The following CAMKMT variants were observed in gnomAD, a reference collection of about 807,000 sequenced individuals.
CAMKMT encodes the protein calmodulin-lysine N-methyltransferase.
CAMKMT carries 53 observed loss-of-function variants against 48.0 expected under a neutral mutation model. That is an observed-to-expected ratio of 1.10 (90% CI 0.89 to 1.39). The LOEUF is 1.39. Ranked by LOEUF, CAMKMT falls within the 40% of genes most tolerant of loss-of-function variation. The probability of loss-of-function intolerance (pLI) is 0.00; values close to 1 mark genes in which losing one functional copy is unlikely to be tolerated. For synonymous variants in CAMKMT, 165 were observed against 152.3 expected, an observed-to-expected ratio of 1.08 and a Z score of -0.61; for missense variants, 428 against 402.7, an observed-to-expected ratio of 1.06 and a Z score of -0.54.
chr2:44,655,451 A>G (rs1485167849), intron 3 of CAMKMT, among the ~76,000 whole-genome samples: 2 of 152,190 alleles, frequency 1.3e-5, no homozygotes, highest in Non-Finnish European at 2.9e-5. Context: ...TCATTGGACC[A>G]TGAACTAATC....
intron 3 of CAMKMT, among the ~76,000 whole-genome samples, chr2:44,416,568 A>ATTT (rs34882377): frequency 4.0e-3 from 320 of 80,236 alleles, no homozygotes; most frequent in African/African-American, 6.4e-3. Flanking sequence ...ACTTAGCATG[A>ATTT]TTTTTTTTTT....
chr2:44,641,551 T>C (rs375189148), intron 3 of CAMKMT, among the ~76,000 whole-genome samples: 1 of 90,716 alleles, frequency 1.1e-5, no homozygotes, highest in East Asian at 2.2e-4. Flanking sequence ...TTTATGATAT[T>C]TTATATATAT....
intron 3 of CAMKMT, among the ~76,000 whole-genome samples, chr2:44,682,304 A>G (rs1167908536): frequency 6.6e-6 from 1 of 152,248 alleles, no homozygotes; most frequent in Non-Finnish European, 1.5e-5. Flanking sequence ...CAACAGTAGC[A>G]TGAAATGTAT....
chr2:44,562,300 C>G (rs1668364050), intron 3 of CAMKMT, among the ~76,000 whole-genome samples: 1 of 152,160 alleles, frequency 6.6e-6, no homozygotes, highest in Non-Finnish European at 1.5e-5. Context: ...TCCACAGTCT[C>G]TGTTTACCCT....
chr2:44,599,431 C>A (rs1011100437), intron 3 of CAMKMT, among the ~76,000 whole-genome samples: 1 of 152,074 alleles, frequency 6.6e-6, no homozygotes, highest in Non-Finnish European at 1.5e-5. Context: ...TACAGCTAAT[C>A]CTTTCAATGA....
chr2:44,611,355 C>G (rs956691898), intron 3 of CAMKMT, among the ~76,000 whole-genome samples: 4 of 151,956 alleles, frequency 2.6e-5, no homozygotes. Flanking sequence ...ATCACTTGAA[C>G]CTGGGAGGCA....
intron 3 of CAMKMT, among the ~76,000 whole-genome samples, chr2:44,635,313 G>A (rs979520390): frequency 1.3e-5 from 2 of 152,212 alleles, no homozygotes. Flanking sequence ...GCTAGTTATT[G>A]TTATGAAAGC....
At chr2:44,460,716 C>CTTT (rs1202949999) in intron 3 of CAMKMT, among the ~76,000 whole-genome samples, 318 of 103,100 alleles carry the variant, frequency 3.1e-3, no homozygotes, top group African/African-American at 3.6e-3. Flanking sequence ...GTGATAGATT[C>CTTT]TTTTTTTTTT....
chr2:44,553,386 A>T (rs2103660114), intron 3 of CAMKMT, among the ~76,000 whole-genome samples: 1 of 147,968 alleles, frequency 6.8e-6, no homozygotes. Flanking sequence ...TTTTTGGGAC[A>T]GTCTCGCTCT....
intron 3 of CAMKMT, among the ~76,000 whole-genome samples, chr2:44,572,419 T>A (rs1185656248): frequency 6.6e-6 from 1 of 152,230 alleles, no homozygotes; most frequent in Non-Finnish European, 1.5e-5. Flanking sequence ...CTTGAGATAA[T>A]GGCATCAAGA....
Position 44,617,894 on chromosome 2 carries a change from A to G in CAMKMT, c.377-86389A>G, listed in dbSNP as rs183156957. ...TTGTCTGTTCGCAGGCAACGAATAA[A>G]TGAGTGTGTGATACTGAAATGAAAA... On this transcript the variant is annotated intron_variant, in intron 3 of 10. Transcript: ENST00000378494. Among the ~76,000 whole-genome samples, 488 of 152,338 alleles carry G rather than the reference A, an allele frequency of 3.2e-3. 2 individuals are homozygous for G. The highest frequency in any genetic ancestry group is 0.011 in the African/African-American group (472 of 41,586).
chr2:44,389,581 C>G (rs906552197), intron 2 of CAMKMT, among the ~76,000 whole-genome samples: 1 of 152,004 alleles, frequency 6.6e-6, no homozygotes, highest in Non-Finnish European at 1.5e-5. Flanking sequence ...CTGAGAAACT[C>G]AAACTCTATG....
chr2:44,368,948 A>G (rs1182930245), intron 1 of CAMKMT, among the ~76,000 whole-genome samples: 2 of 152,098 alleles, frequency 1.3e-5, no homozygotes, highest in East Asian at 1.9e-4. Flanking sequence ...GGCTCAAACA[A>G]TTCTCATGCC....
intron 3 of CAMKMT, among the ~76,000 whole-genome samples, chr2:44,530,033 T>A (rs1316498133): frequency 1.3e-5 from 2 of 152,206 alleles, no homozygotes; most frequent in Non-Finnish European, 2.9e-5. Flanking sequence ...TTCCCCTAGT[T>A]CTGTCATCAG....
chr2:44,743,032 C>G (rs1679767683), intron 7 of CAMKMT, among the ~76,000 whole-genome samples: 1 of 152,198 alleles, frequency 6.6e-6, no homozygotes, highest in Non-Finnish European at 1.5e-5. Flanking sequence ...ATGCATGTTA[C>G]TAATTATTGT....
At chr2:44,424,145 T>G (rs914339898) in intron 3 of CAMKMT, among the ~76,000 whole-genome samples, 2 of 152,210 alleles carry the variant, frequency 1.3e-5, no homozygotes, top group African/African-American at 4.8e-5. Context: ...GCTATTATAT[T>G]TCCTTTCTTA....
intron 3 of CAMKMT, among the ~76,000 whole-genome samples, chr2:44,617,930 T>A (rs573999637): frequency 3.3e-5 from 5 of 152,292 alleles, no homozygotes; most frequent in African/African-American, 1.2e-4. Context: ...AAATAGGATA[T>A]AGATGGCTTA....
intron 10 of CAMKMT, among the ~76,000 whole-genome samples, chr2:44,769,867 T>C (rs571251593): frequency 2.6e-5 from 4 of 152,160 alleles, no homozygotes; most frequent in Admixed American, 1.3e-4. Flanking sequence ...TTGTGGATAC[T>C]GTAAAGGGTA....
intron 3 of CAMKMT, among the ~76,000 whole-genome samples, chr2:44,697,270 G>A (rs1271578641): frequency 6.6e-6 from 1 of 152,032 alleles, no homozygotes; most frequent in Non-Finnish European, 1.5e-5. Flanking sequence ...ACTAAAATGA[G>A]GGAATAAACC....
Sources: gnomAD v4.1 joint callset for allele counts (sites outside exome capture counted in the v4.1 genomes callset) on GRCh38, gnomAD v4.1.1 for gene constraint, MANE v1.5 for transcripts, NCBI Gene and HGNC (gene_info 2026-07-23, HGNC 2026-07-21) for gene names.